The following EYA1 variants were observed in gnomAD, a reference collection of about 807,000 sequenced individuals.
EYA1 encodes protein phosphatase EYA1.
In EYA1, 16 loss-of-function variants were observed where a neutral mutation model predicts 82.0. That is an observed-to-expected ratio of 0.20 (90% confidence interval 0.13 to 0.30). EYA1 has a LOEUF of 0.30. Ranked by LOEUF, EYA1 falls within the 10% of genes least tolerant of loss-of-function variation. EYA1 has a pLI of 1.00. For missense variants in EYA1, 633 were observed against 730.7 expected, an observed-to-expected ratio of 0.87 and a Z score of 1.54; for synonymous variants, 261 against 264.4, an observed-to-expected ratio of 0.99 and a Z score of 0.12.
intron 1 of EYA1, among the ~76,000 whole-genome samples, chr8:71,541,222 A>C (rs1023351083): frequency 6.6e-6 from 1 of 152,252 alleles, no homozygotes; most frequent in African/African-American, 2.4e-5. Flanking sequence ...GAAGATGTTA[A>C]TGAAAAACAA....
intron 1 of EYA1, among the ~76,000 whole-genome samples, chr8:71,356,903 G>A (rs1399717566): frequency 6.6e-6 from 1 of 152,216 alleles, no homozygotes; most frequent in Non-Finnish European, 1.5e-5. Context: ...AATAGTTCAA[G>A]CAGTAATCCT....
chr8:71,220,838 T>C (rs1160635216), intron 12 of EYA1, among the ~76,000 whole-genome samples: 1 of 151,332 alleles, frequency 6.6e-6, no homozygotes, highest in Non-Finnish European at 1.5e-5. Context: ...TGTAAGGAGG[T>C]AGGAGGAAGG....
At chr8:71,267,424 G>A (rs1212300984) in intron 11 of EYA1, among the ~76,000 whole-genome samples, 2 of 152,138 alleles carry the variant, frequency 1.3e-5, no homozygotes, top group Non-Finnish European at 2.9e-5. Context: ...TCAGAAACCT[G>A]GCTTTCTGAA....
chr8:71,333,961 G>T, intron 4 of EYA1, 136 bp downstream of exon 4: 2 of 682,144 alleles, frequency 2.9e-6, no homozygotes, highest in Non-Finnish European at 5.3e-6. Flanking sequence ...TATTTTATAT[G>T]TATATATACA....
At chr8:71,369,417 A>G (rs1211349025) in intron 2 of EYA1, among the ~76,000 whole-genome samples, 1 of 152,180 alleles carries the variant, frequency 6.6e-6, no homozygotes. Flanking sequence ...AGTGAATTCT[A>G]ATTCTGGTTT....
intron 2 of EYA1, among the ~76,000 whole-genome samples, chr8:71,445,805 G>C (rs111728175): frequency 6.6e-6 from 1 of 151,808 alleles, no homozygotes; most frequent in Non-Finnish European, 1.5e-5. Context: ...CGCCCACCTC[G>C]GCCTCCCAAA....
intron 2 of EYA1, among the ~76,000 whole-genome samples, chr8:71,408,365 C>T (rs1174539006): frequency 6.7e-6 from 1 of 148,416 alleles, no homozygotes; most frequent in African/African-American, 2.5e-5. Flanking sequence ...CAAATTCACA[C>T]ATAACAATAT....
intron 1 of EYA1, 73 bp from the exon 2 acceptor site, chr8:71,356,584 A>T: frequency 6.6e-7 from 1 of 1,504,902 alleles, no homozygotes; most frequent in Non-Finnish European, 8.9e-7. Context: ...TATACAGAGC[A>T]CATGGCTGAG....
At chr8:71,544,539 T>C (rs193148333) in intron 1 of EYA1, among the ~76,000 whole-genome samples, 169 of 152,342 alleles carry the variant, frequency 1.1e-3, no homozygotes, top group African/African-American at 4.0e-3. Context: ...CCCTCTTCTC[T>C]AAGGTCAATT....
chr8:71,290,400 A>T (rs1818868206), intron 9 of EYA1, among the ~76,000 whole-genome samples: 1 of 152,240 alleles, frequency 6.6e-6, no homozygotes, highest in Admixed American at 6.5e-5. Context: ...AGTTTTTCAA[A>T]TAATGAATCA....
At chr8:71,521,734 C>G (rs1433137862) in intron 2 of EYA1, among the ~76,000 whole-genome samples, 1 of 152,096 alleles carries the variant, frequency 6.6e-6, no homozygotes, top group Non-Finnish European at 1.5e-5. Flanking sequence ...AACCTTAAGT[C>G]AATGGTTTCC....
intron 2 of EYA1, among the ~76,000 whole-genome samples, chr8:71,517,707 C>CTATATATATATATATATA (rs60132408): frequency 7.1e-6 from 1 of 141,648 alleles, no homozygotes; most frequent in African/African-American, 2.6e-5. Flanking sequence ...GGAAAACATA[C>CTATATATATATATATATA]TATATATATA....
At chr8:71,271,304 T>C (rs1209471220) in intron 10 of EYA1, among the ~76,000 whole-genome samples, 1 of 152,236 alleles carries the variant, frequency 6.6e-6, no homozygotes, top group African/African-American at 2.4e-5. Flanking sequence ...GTACGCTCTT[T>C]TAGTTATTTG....
chr8:71,233,253 T>A (rs938243431), intron 12 of EYA1, among the ~76,000 whole-genome samples: 2 of 152,226 alleles, frequency 1.3e-5, no homozygotes, highest in African/African-American at 4.8e-5. Flanking sequence ...TATTTCTGTA[T>A]CATTTTAAAT....
intron 2 of EYA1, among the ~76,000 whole-genome samples, chr8:71,498,945 C>A (rs80346469): frequency 0.016 from 2,366 of 152,230 alleles, 48 homozygotes; most frequent in African/African-American, 0.054. Flanking sequence ...CCATTAAACT[C>A]CCAAACAGAA....
rs1817170890 is a variant in EYA1, at chr8:71,276,342, G to T, written c.827-4445C>A. 2.0e-5 allele frequency among the ~76,000 whole-genome samples: 3 copies of T among 152,086 alleles called. No individual in the cohort carries two copies. The South Asian group carries it at 6.2e-4, about 31-fold the overall frequency. On this transcript the variant is annotated intron_variant, in intron 9 of 17. Coordinates refer to ENST00000340726, the MANE Select transcript of EYA1 (RefSeq NM_000503.6). ...TCTTAGTGCTTGGTAATATTTGTAGGAGGAATTTAATTGATGCCCTCCAAG... is the reference window on the plus strand; with the variant it reads ...TCTTAGTGCTTGGTAATATTTGTAGTAGGAATTTAATTGATGCCCTCCAAG...
At chr8:71,462,663 G>A (rs944558492) in intron 2 of EYA1, among the ~76,000 whole-genome samples, 1 of 152,204 alleles carries the variant, frequency 6.6e-6, no homozygotes, top group African/African-American at 2.4e-5. Context: ...CCCAGGCCCA[G>A]CTCTGCCTTC....
At chr8:71,246,173 A>G (rs1813065198) in intron 11 of EYA1, among the ~76,000 whole-genome samples, 1 of 152,256 alleles carries the variant, frequency 6.6e-6, no homozygotes, top group African/African-American at 2.4e-5. Flanking sequence ...TCTATTAATA[A>G]TACCAACTTT....
intron 3 of EYA1, among the ~76,000 whole-genome samples, chr8:71,341,881 T>C (rs1172852440): frequency 1.3e-5 from 2 of 152,208 alleles, no homozygotes; most frequent in African/African-American, 4.8e-5. Context: ...AAACCTGCTA[T>C]TCATGGAAAG....
Sources: gnomAD v4.1 joint callset for allele counts (sites outside exome capture counted in the v4.1 genomes callset) on GRCh38, gnomAD v4.1.1 for gene constraint, MANE v1.5 for transcripts, NCBI Gene and HGNC (gene_info 2026-07-23, HGNC 2026-07-21) for gene names.